The following TCAF1 variants were observed in gnomAD, a reference collection of about 807,000 sequenced individuals.
TCAF1 encodes TRPM8 channel associated factor 1.
A neutral mutation model predicts 27.3 loss-of-function variants in TCAF1; 4 were observed. The observed-to-expected ratio is 0.15, with a 90% CI of 0.07 to 0.34. The LOEUF is 0.34. TCAF1 is among the 10% of genes least tolerant of loss of function. TCAF1 has a pLI of 1.00. For missense variants in TCAF1, 257 were observed against 425.8 expected (o/e 0.60, Z 3.49); for synonymous variants, 105 against 167.1 (o/e 0.63, Z 2.87).
chr7:143,876,594 A>G lies in TCAF1; in HGVS notation c.15T>C (p.Ser5=). The change falls in exon 2 of 9, where the codon TCT becomes TCC. Residue 5 remains serine, a synonymous_variant. Coordinates refer to ENST00000479870, the MANE Select transcript of TCAF1 (RefSeq NM_014719.3). MATP[S]AAFEALMNGV... ...CATTCATAAGGGCCTCGAAGGCAGCAGAGGGAGTCGCCATGGCTCTATTGG... is the reference window on the plus strand; with the variant it reads ...CATTCATAAGGGCCTCGAAGGCAGCGGAGGGAGTCGCCATGGCTCTATTGG... The G allele has an allele frequency of 6.6e-7, 1 of 1,512,108 alleles. No homozygotes were observed. The highest frequency in any genetic ancestry group is 2.3e-5 in the East Asian group (1 of 44,084). 93.7% of individuals were successfully genotyped at this position (1,512,108 alleles called of 1,614,324 possible). A position where few individuals can be genotyped will look rare whatever the true frequency, so the allele number is the denominator to read the frequency against.
Position 143,860,249 on chromosome 7 carries a change from CGCAAAGGGAAGG to C in TCAF1, c.2114_2125del (p.Pro705_Leu708del), listed in dbSNP as rs1811954698. The C allele has an allele frequency of 3.0e-6, 1 of 335,412 alleles. No homozygotes were observed. Among genetic ancestry groups the C allele is most frequent in the African/African-American group, 4.2e-5 (1 of 23,896 alleles). The allele number at this position is 335,412 out of a possible 1,614,324, so 20.8% of individuals were successfully genotyped here. The stretch of plus-strand genomic sequence containing the variant: ...GTCGGCAACAATCCTCTGAGGCAGG[CGCAAAGGGAAGG>C]GCTCAGCTCCCAGTCGCGCCACAGC... On this transcript the variant is annotated inframe_deletion, in exon 6 of 9. Coordinates refer to ENST00000479870, the MANE Select transcript of TCAF1 (RefSeq NM_014719.3).
chr7:143,875,855 C>T (rs1812665683), intron 2 of TCAF1, 134 bp downstream of exon 2: 1 of 714,856 alleles, frequency 1.4e-6, no homozygotes, highest in Non-Finnish European at 2.2e-6. Context: ...TTTAAAAAAT[C>T]TAGTTGATAT....
chr7:143,884,623 A>G (rs1813293425), intron 1 of TCAF1, among the ~76,000 whole-genome samples: 1 of 152,080 alleles, frequency 6.6e-6, no homozygotes, highest in Non-Finnish European at 1.5e-5. Flanking sequence ...ATACCTAAAA[A>G]TAAACATTAA....
chr7:143,895,111 T>C (rs1159944173), intron 1 of TCAF1, among the ~76,000 whole-genome samples: 1 of 151,890 alleles, frequency 6.6e-6, no homozygotes, highest in Non-Finnish European at 1.5e-5. Context: ...GATGAACTTA[T>C]ATATATTTCT....
At chr7:143,877,989 T>C (rs998522407) in intron 1 of TCAF1, among the ~76,000 whole-genome samples, 2 of 152,242 alleles carry the variant, frequency 1.3e-5, no homozygotes, top group Non-Finnish European at 2.9e-5. Flanking sequence ...ACTTGGGCTC[T>C]GGAGTTATGG....
At chr7:143,894,985 T>A (rs1175516787) in intron 1 of TCAF1, among the ~76,000 whole-genome samples, 1 of 151,830 alleles carries the variant, frequency 6.6e-6, no homozygotes, top group Non-Finnish European at 1.5e-5. Flanking sequence ...AGATGCTTAA[T>A]ATAATTAGTC....
intron 1 of TCAF1, among the ~76,000 whole-genome samples, chr7:143,878,350 T>C (rs1008889179): frequency 2.6e-5 from 4 of 152,176 alleles, no homozygotes; most frequent in Non-Finnish European, 5.9e-5. Context: ...TTTGGTACCA[T>C]ACTAATACTA....
At chr7:143,885,847 ATTAC>A (rs1435895624) in intron 1 of TCAF1, among the ~76,000 whole-genome samples, 2 of 152,194 alleles carry the variant, frequency 1.3e-5, no homozygotes, top group Non-Finnish European at 2.9e-5. Context: ...AGGAAAGTGG[ATTAC>A]TTGTTATTTT....
chr7:143,884,508 A>G (rs1196256632), intron 1 of TCAF1, among the ~76,000 whole-genome samples: 6 of 152,194 alleles, frequency 3.9e-5, no homozygotes, highest in African/African-American at 1.2e-4. Context: ...ACTGGCACTC[A>G]CTAAGTCCCT....
chr7:143,877,505 G>A (rs181422860), intron 1 of TCAF1, among the ~76,000 whole-genome samples: 2 of 152,296 alleles, frequency 1.3e-5, no homozygotes, highest in East Asian at 1.9e-4. Flanking sequence ...ACATAACCAG[G>A]AGCAGAAGGT....
At chr7:143,901,249 C>T (rs952654818) in intron 1 of TCAF1, among the ~76,000 whole-genome samples, 8 of 152,134 alleles carry the variant, frequency 5.3e-5, no homozygotes, top group Non-Finnish European at 1.2e-4. Flanking sequence ...AGTGATGGAC[C>T]GATGGTTGGC....
chr7:143,892,234 A>G (rs567670945), intron 1 of TCAF1, among the ~76,000 whole-genome samples: 100 of 152,300 alleles, frequency 6.6e-4, no homozygotes, highest in Middle Eastern at 3.5e-3. Context: ...CTTATGGAAT[A>G]CAGAAGCATA....
chr7:143,859,990 ATATATT>A (rs1811883079), intron 6 of TCAF1, among the ~76,000 whole-genome samples: 3 of 32,568 alleles, frequency 9.2e-5, no homozygotes, highest in African/African-American at 1.4e-4. Flanking sequence ...ATTATATAAT[ATATATT>A]ATATAATATA....
chr7:143,879,745 C>G lies in TCAF1; in HGVS notation c.-14-3123G>C, dbSNP rs188206010. Reference sequence around the variant, plus strand: ...TTCTTGTGGGTGCAGGATCTCTAACCCAAACCCACACCTATCCAACTTCCA... The same window carrying G: ...TTCTTGTGGGTGCAGGATCTCTAACGCAAACCCACACCTATCCAACTTCCA... On this transcript the variant is annotated intron_variant, in intron 1 of 8. Coordinates refer to ENST00000479870, the MANE Select transcript of TCAF1 (RefSeq NM_014719.3). Among the ~76,000 whole-genome samples the G allele has an allele frequency of 3.5e-4, 54 of 152,218 alleles. 1 individual carries two copies. Among genetic ancestry groups the G allele is most frequent in the Admixed American group, 3.1e-3 (47 of 15,300 alleles).
chr7:143,876,303 G>A lies in TCAF1; in HGVS notation c.306C>T (p.Ala102=). The change falls in exon 2 of 9, where the codon GCC becomes GCT. Residue 102 remains alanine (A), a synonymous_variant. Transcript: ENST00000479870. ...CCACTCCAGAGCCCTCGAGGATTTT[G>A]GCCAAAGGTGCCAGGGATGGGTGTA... ...IGVHPSLAPL[A]KILEGSGVDA... 1 of 1,614,166 alleles carries A rather than the reference G, an allele frequency of 6.2e-7. No individual in the cohort carries two copies. The highest frequency in any genetic ancestry group is 8.5e-7 in the Non-Finnish European group (1 of 1,180,032).
At position 143,889,350 on chromosome 7, in the gene TCAF1, T is replaced by A. The variant is rs548095110; in HGVS notation, c.-15+12611A>T. Among the ~76,000 whole-genome samples, 3 of 152,210 alleles carry A rather than the reference T, an allele frequency of 2.0e-5. No individual in the cohort carries two copies. In the South Asian group the frequency reaches 6.2e-4, roughly 32 times the overall value. ...CTAAAATGATAAAAAGAAATACTCA[T>A]CTAAATATCTGTAGTGAATTAAAGA... On this transcript the variant is annotated intron_variant, in intron 1 of 8. Coordinates refer to ENST00000479870, the MANE Select transcript of TCAF1 (RefSeq NM_014719.3).
At chr7:143,887,412 A>G (rs890526721) in intron 1 of TCAF1, among the ~76,000 whole-genome samples, 1 of 152,232 alleles carries the variant, frequency 6.6e-6, no homozygotes, top group Admixed American at 6.5e-5. Context: ...CACAGAAAAC[A>G]TAAGGACAAA....
Position 143,876,241 on chromosome 7 carries a change from C to A in TCAF1, c.368G>T (p.Gly123Val). 6.2e-7 allele frequency: 1 copy of A among 1,614,184 alleles called. No individual in the cohort carries two copies. Among genetic ancestry groups the A allele is most frequent in the South Asian group, 1.1e-5 (1 of 91,088 alleles). Residue 123 changes from glycine to valine, a missense_variant, in exon 2 of 9, where the codon GGG becomes GTG. Transcript: ENST00000479870. ...ATTGTAGGCATCAATACAGTAAACC[C>A]CCAGGGAGTCTTTCACTTCTGGCTC... ...KVEPEVKDSL[G>V]VYCIDAYNET...
rs12672846 is a variant in TCAF1, at chr7:143,860,013, A to T, written c.2167+195T>A. Reference sequence around the variant, plus strand: ...ATATATATTATATAATATATATATAATATATATTATATATTATATATATAA... The same window carrying T: ...ATATATATTATATAATATATATATATTATATATTATATATTATATATATAA... On this transcript the variant is annotated intron_variant, in intron 6 of 8. Coordinates refer to ENST00000479870, the MANE Select transcript of TCAF1 (RefSeq NM_014719.3). 4.3e-4 allele frequency among the ~76,000 whole-genome samples: 8 copies of T among 18,440 alleles called. 1 individual carries two copies. Among genetic ancestry groups the T allele is most frequent in the African/African-American group, 6.3e-4 (5 of 7,992 alleles). 12.1% of individuals were successfully genotyped at this position (18,440 alleles called of 152,430 possible).
Sources: allele counts gnomAD v4.1 joint callset (sites outside exome capture counted in the v4.1 genomes callset), GRCh38; gene constraint gnomAD v4.1.1; transcripts MANE v1.5; gene names NCBI Gene and HGNC (gene_info 2026-07-23, HGNC 2026-07-21).